The following DOK5 variants were observed in gnomAD, a reference collection of about 807,000 sequenced individuals.
DOK5 encodes downstream of tyrosine kinase 5.
In DOK5, 27 loss-of-function variants were observed where a neutral mutation model predicts 43.3. The ratio of observed to expected loss-of-function variants is 0.62; its 90% CI spans 0.46 to 0.86. The LOEUF (loss-of-function observed/expected upper bound fraction) is 0.86. Among genes scored for constraint, DOK5 ranks in the 40% least tolerant of loss-of-function variants. The probability of loss-of-function intolerance (pLI) is 0.00; values close to 1 mark genes in which losing one functional copy is unlikely to be tolerated. For synonymous variants in DOK5, 146 were observed against 140.1 expected (o/e 1.04, Z -0.30); for missense variants, 373 against 392.9 (o/e 0.95, Z 0.43).
At chr20:54,517,701 A>G (rs372139017) in intron 1 of DOK5, among the ~76,000 whole-genome samples, 1 of 152,160 alleles carries the variant, frequency 6.6e-6, no homozygotes, top group South Asian at 2.1e-4. Context: ...TAAATGTGGA[A>G]ATCCTAACCC....
intron 6 of DOK5, among the ~76,000 whole-genome samples, chr20:54,614,610 C>G (rs974272980): frequency 1.3e-5 from 2 of 152,182 alleles, no homozygotes; most frequent in African/African-American, 4.8e-5. Flanking sequence ...AAAAATTAAT[C>G]AGGAATATGA....
At chr20:54,481,416 C>A (rs1359871182) in intron 1 of DOK5, among the ~76,000 whole-genome samples, 1 of 152,166 alleles carries the variant, frequency 6.6e-6, no homozygotes, top group Admixed American at 6.5e-5. Context: ...GATCCACAAG[C>A]CTCGGCCTCC....
intron 1 of DOK5, among the ~76,000 whole-genome samples, chr20:54,477,208 GA>G (rs1981467604): frequency 6.6e-6 from 1 of 152,092 alleles, no homozygotes; most frequent in African/African-American, 2.4e-5. Context: ...TTGGTCTTTG[GA>G]CTGTTTTAAT....
At chr20:54,573,803 A>G (rs1459968048) in intron 2 of DOK5, among the ~76,000 whole-genome samples, 1 of 151,710 alleles carries the variant, frequency 6.6e-6, no homozygotes, top group Non-Finnish European at 1.5e-5. Context: ...GTTTGCAGAG[A>G]GGTATATAGG....
intron 2 of DOK5, among the ~76,000 whole-genome samples, chr20:54,558,138 A>C (rs1294628224): frequency 2.6e-5 from 4 of 152,208 alleles, no homozygotes. Flanking sequence ...AGAAAAAGAA[A>C]CTTTGATTTG....
intron 2 of DOK5, among the ~76,000 whole-genome samples, chr20:54,579,855 C>T (rs552249737): frequency 2.5e-4 from 38 of 151,974 alleles, no homozygotes; most frequent in Non-Finnish European, 4.6e-4. Context: ...ATAGTATACA[C>T]GTGGTGTGGT....
chr20:54,577,515 T>C (rs1985489728), intron 2 of DOK5, among the ~76,000 whole-genome samples: 1 of 152,224 alleles, frequency 6.6e-6, no homozygotes, highest in African/African-American at 2.4e-5. Flanking sequence ...GGAATTTGGC[T>C]AGGAAATCTG....
In DOK5 at chr20:54,646,076, C is replaced by G. The variant is rs73913644; in HGVS notation, c.856+2498C>G. Among the ~76,000 whole-genome samples, 1,291 of 152,070 alleles carry G rather than the reference C, an allele frequency of 8.5e-3. 24 individuals carry two copies. Among genetic ancestry groups the G allele is most frequent in the African/African-American group, 0.03 (1,234 of 41,482 alleles). ...GTTAGATTGGGTTGTCACAATGCCA[C>G]TGATTCTCACTTAAACTTCAAAAAT... On this transcript the variant is annotated intron_variant, in intron 7 of 7. Coordinates refer to ENST00000262593, the MANE Select transcript of DOK5 (RefSeq NM_018431.5).
At chr20:54,583,854 C>T (rs992462203) in intron 2 of DOK5, among the ~76,000 whole-genome samples, 1 of 151,860 alleles carries the variant, frequency 6.6e-6, no homozygotes, top group African/African-American at 2.4e-5. Flanking sequence ...GCAGTTTAAG[C>T]TATCTCCATT....
chr20:54,637,944 A>G (rs1422984427), intron 6 of DOK5, among the ~76,000 whole-genome samples: 1 of 152,150 alleles, frequency 6.6e-6, no homozygotes, highest in East Asian at 1.9e-4. Flanking sequence ...AACACGGTGA[A>G]ACCCCGTCTC....
chr20:54,558,070 T>C (rs894136381), intron 2 of DOK5, among the ~76,000 whole-genome samples: 7 of 152,358 alleles, frequency 4.6e-5, no homozygotes, highest in Admixed American at 2.0e-4. Flanking sequence ...CAGATGTCTA[T>C]GTGTCATACT....
chr20:54,543,218 T>C (rs1158880252), intron 1 of DOK5, among the ~76,000 whole-genome samples: 1 of 151,392 alleles, frequency 6.6e-6, no homozygotes, highest in Non-Finnish European at 1.5e-5. Flanking sequence ...GGAACAACGT[T>C]GAATATTATA....
At chr20:54,606,416 G>T (rs1452271269) in intron 5 of DOK5, among the ~76,000 whole-genome samples, 2 of 152,194 alleles carry the variant, frequency 1.3e-5, no homozygotes, top group African/African-American at 4.8e-5. Flanking sequence ...GGAATCGGGA[G>T]CAACAGAAGT....
chr20:54,597,399 C>G lies in DOK5; in HGVS notation c.599+5594C>G, dbSNP rs1207550937. On this transcript the variant is annotated intron_variant, in intron 5 of 7. Coordinates refer to ENST00000262593, the MANE Select transcript of DOK5 (RefSeq NM_018431.5). ...CCTTGACAACAAAGGATTATCAGGTCTAATCATGTGGTTGAGAAACCCTAC... is the reference window on the plus strand; with the variant it reads ...CCTTGACAACAAAGGATTATCAGGTGTAATCATGTGGTTGAGAAACCCTAC... 5.3e-5 allele frequency among the ~76,000 whole-genome samples: 8 copies of G among 152,092 alleles called. 1 individual carries two copies. The highest frequency in any genetic ancestry group is 3.3e-4 in the Admixed American group (5 of 15,272).
intron 2 of DOK5, among the ~76,000 whole-genome samples, chr20:54,584,099 A>C (rs917012489): frequency 6.6e-6 from 1 of 152,094 alleles, no homozygotes. Context: ...AGCTGAGATC[A>C]CACCACTGTG....
chr20:54,647,527 A>C (rs1979494065), intron 7 of DOK5, among the ~76,000 whole-genome samples: 1 of 151,926 alleles, frequency 6.6e-6, no homozygotes, highest in East Asian at 1.9e-4. Flanking sequence ...AAAAAAACAA[A>C]AAAACTATGG....
intron 1 of DOK5, among the ~76,000 whole-genome samples, chr20:54,515,142 C>G (rs1049155297): frequency 1.3e-5 from 2 of 151,980 alleles, no homozygotes; most frequent in African/African-American, 4.8e-5. Flanking sequence ...TCCCGAGTAG[C>G]TGGGATTACA....
At chr20:54,536,095 A>G (rs1983952461) in intron 1 of DOK5, among the ~76,000 whole-genome samples, 1 of 152,220 alleles carries the variant, frequency 6.6e-6, no homozygotes, top group African/African-American at 2.4e-5. Flanking sequence ...ATTCAGATAA[A>G]ATATAGTGTG....
intron 2 of DOK5, among the ~76,000 whole-genome samples, chr20:54,557,599 C>T (rs1330874914): frequency 6.6e-6 from 1 of 152,162 alleles, no homozygotes; most frequent in Non-Finnish European, 1.5e-5. Flanking sequence ...TCCTTAATCC[C>T]ACCTTCCTCT....
Sources: allele counts gnomAD v4.1 joint callset (sites outside exome capture counted in the v4.1 genomes callset), GRCh38; gene constraint gnomAD v4.1.1; transcripts MANE v1.5; gene names NCBI Gene and HGNC (gene_info 2026-07-23, HGNC 2026-07-21).